The following PHF14 variants were observed in gnomAD, a reference collection of about 807,000 sequenced individuals.
The protein encoded by PHF14 is PHD finger protein 14.
A neutral mutation model predicts 117.9 loss-of-function variants in PHF14; 55 were observed. The observed-to-expected ratio is 0.47, with a 90% CI of 0.38 to 0.58. The LOEUF (loss-of-function observed/expected upper bound fraction) is 0.58. Among genes scored for constraint, PHF14 ranks in the 20% least tolerant of loss-of-function variants. PHF14 has a pLI of 0.00. For synonymous variants in PHF14, 409 were observed against 368.6 expected, an observed-to-expected ratio of 1.11 and a Z score of -1.26; for missense variants, 978 against 1,122.2, an observed-to-expected ratio of 0.87 and a Z score of 1.84.
Position 11,169,448 on chromosome 7 carries a change from A to T in PHF14, c.2805A>T (p.Ile935=). The T allele has an allele frequency of 6.6e-7, 1 of 1,517,282 alleles. No homozygotes were observed. The highest frequency in any genetic ancestry group is 1.3e-5 in the South Asian group (1 of 77,534). The allele number at this position is 1,517,282 out of a possible 1,614,324, so 94.0% of individuals were successfully genotyped here. A position where few individuals can be genotyped will look rare whatever the true frequency, so the allele number is the denominator to read the frequency against. Residue 935 remains isoleucine, a synonymous_variant, in exon 18 of 18, where the codon ATA becomes ATT. Coordinates refer to ENST00000634607, the MANE Select transcript of PHF14 (RefSeq NM_001007157.2). ...AAAATGAAGCTGAAAGAAAAAATAT[A>T]TCTCAGGAGCTCAACATGGAACAGA... ...EDENEAERKN[I]SQELNMEQKN...
chr7:11,108,058 C>T (rs1375434449), intron 16 of PHF14: 1 of 151,576 alleles, frequency 6.6e-6, no homozygotes, highest in Non-Finnish European at 1.5e-5. Flanking sequence ...TAATAAGCCA[C>T]TATTTTGGCC....
At chr7:11,059,736 C>G (rs1408445332) in intron 14 of PHF14, among the ~76,000 whole-genome samples, 1 of 152,078 alleles carries the variant, frequency 6.6e-6, no homozygotes, top group Non-Finnish European at 1.5e-5. Flanking sequence ...ATTGCTGCCA[C>G]TGCACTCCAG....
chr7:11,106,452 C>A, intron 16 of PHF14: 1 of 946,684 alleles, frequency 1.1e-6, no homozygotes, highest in African/African-American at 1.8e-5. Flanking sequence ...AGGTAATTTG[C>A]ACTAAAATTG....
At chr7:11,034,126 C>CT (rs970161505) in intron 7 of PHF14, among the ~76,000 whole-genome samples, 52 of 150,532 alleles carry the variant, frequency 3.5e-4, no homozygotes, top group Non-Finnish European at 3.6e-4. Context: ...GCCTCATATG[C>CT]TTTTTTTTTA....
At chr7:11,157,409 T>A (rs1788897755) in intron 17 of PHF14, among the ~76,000 whole-genome samples, 1 of 152,048 alleles carries the variant, frequency 6.6e-6, no homozygotes, top group Non-Finnish European at 1.5e-5. Context: ...AAATAGGTGT[T>A]GATTGCCAAA....
intron 17 of PHF14, among the ~76,000 whole-genome samples, chr7:11,137,590 C>CTTTTTTT (rs5882293): frequency 7.4e-5 from 7 of 93,966 alleles, no homozygotes; most frequent in Non-Finnish European, 1.2e-4. Context: ...CTTAAAAATT[C>CTTTTTTT]TTTTTTTTTT....
intron 3 of PHF14, among the ~76,000 whole-genome samples, chr7:10,987,663 C>A (rs1261609359): frequency 6.6e-6 from 1 of 151,854 alleles, no homozygotes; most frequent in Non-Finnish European, 1.5e-5. Flanking sequence ...CCATTCAAAA[C>A]CTATTTTCCT....
At chr7:10,980,028 A>T (rs1781999347) in intron 2 of PHF14, among the ~76,000 whole-genome samples, 1 of 152,168 alleles carries the variant, frequency 6.6e-6, no homozygotes, top group Admixed American at 6.5e-5. Flanking sequence ...AACAGAATCA[A>T]GGAGTCTCAA....
intron 7 of PHF14, among the ~76,000 whole-genome samples, chr7:11,031,066 C>A (rs369824563): frequency 6.6e-6 from 1 of 152,126 alleles, no homozygotes; most frequent in Admixed American, 6.5e-5. Context: ...TAAAATAGAT[C>A]TATGTTTGTG....
At chr7:11,009,172 A>G (rs1459677173) in intron 4 of PHF14, among the ~76,000 whole-genome samples, 1 of 152,208 alleles carries the variant, frequency 6.6e-6, no homozygotes, top group Admixed American at 6.5e-5. Context: ...CCGAAATATA[A>G]TTAGGATAGA....
chr7:11,122,738 TAA>T (rs1189532090), intron 17 of PHF14, among the ~76,000 whole-genome samples: 3 of 152,306 alleles, frequency 2.0e-5, no homozygotes, highest in Non-Finnish European at 4.4e-5. Context: ...AGGCAAATTA[TAA>T]GAGTATGGTC....
intron 17 of PHF14, among the ~76,000 whole-genome samples, chr7:11,161,189 G>A (rs1415740626): frequency 6.6e-6 from 1 of 151,896 alleles, no homozygotes; most frequent in Non-Finnish European, 1.5e-5. Context: ...TTTTTTTAAT[G>A]GCAGTATAGA....
At chr7:10,976,675 C>T (rs548949384) in intron 2 of PHF14, among the ~76,000 whole-genome samples, 2 of 151,874 alleles carry the variant, frequency 1.3e-5, no homozygotes, top group South Asian at 2.1e-4. Flanking sequence ...TTTATGATAT[C>T]GAGCTAAGTA....
At position 11,158,908 on chromosome 7, in the gene PHF14, T is replaced by A. The variant is rs1788937420; in HGVS notation, c.2773-10508T>A. 3.3e-5 allele frequency among the ~76,000 whole-genome samples: 5 copies of A among 152,112 alleles called. No individual in the cohort carries two copies. The South Asian group carries it at 1.0e-3, about 31-fold the overall frequency. Reference sequence around the variant, plus strand: ...AAGACATATTAAACAGTTTCTAAATTACCTAACTGAAAATCTATTATCTAG... The same window carrying A: ...AAGACATATTAAACAGTTTCTAAATAACCTAACTGAAAATCTATTATCTAG... On this transcript the variant is annotated intron_variant, in intron 17 of 17. Coordinates refer to ENST00000634607, the MANE Select transcript of PHF14 (RefSeq NM_001007157.2).
At chr7:11,053,809 T>TA (rs1784926045) in intron 14 of PHF14, among the ~76,000 whole-genome samples, 1 of 152,200 alleles carries the variant, frequency 6.6e-6, no homozygotes, top group East Asian at 1.9e-4. Context: ...CTGCTTTTTT[T>TA]ATCCTAGAAT....
chr7:11,059,831 A>G (rs1377347606), intron 14 of PHF14, among the ~76,000 whole-genome samples: 1 of 152,094 alleles, frequency 6.6e-6, no homozygotes, highest in Non-Finnish European at 1.5e-5. Flanking sequence ...TAGAGTACCA[A>G]ATTAGGGAAA....
intron 17 of PHF14, among the ~76,000 whole-genome samples, chr7:11,147,206 G>C (rs1435724093): frequency 6.6e-6 from 1 of 152,106 alleles, no homozygotes; most frequent in Non-Finnish European, 1.5e-5. Context: ...TGTGTTGTTT[G>C]GTTGTACAGG....
intron 16 of PHF14, among the ~76,000 whole-genome samples, chr7:11,084,330 A>C (rs1748862124): frequency 6.6e-6 from 1 of 152,166 alleles, no homozygotes; most frequent in Admixed American, 6.5e-5. Context: ...TAAAGGACCA[A>C]GTGTTATTTT....
At chr7:11,035,616 T>A in intron 7 of PHF14, 24 bp from the exon 8 acceptor site, 1 of 1,519,788 alleles carries the variant, frequency 6.6e-7, no homozygotes, top group Middle Eastern at 1.7e-4. Flanking sequence ...ATGTTCACTA[T>A]TTTTCTGTGC....
Sources: gnomAD v4.1 joint callset for allele counts (sites outside exome capture counted in the v4.1 genomes callset) on GRCh38, gnomAD v4.1.1 for gene constraint, MANE v1.5 for transcripts, NCBI Gene and HGNC (gene_info 2026-07-23, HGNC 2026-07-21) for gene names.